Variants in GRM5 observed in about 807,000 individuals in gnomAD.
GRM5 encodes glutamate metabotropic receptor 5, also known as metabotropic glutamate receptor 5.
Under a neutral mutation model 83.1 loss-of-function variants are expected in GRM5, and 19 were observed. The observed-to-expected ratio is 0.23, with a 90% confidence interval of 0.16 to 0.34. GRM5 has a LOEUF of 0.34. GRM5 is among the 10% of genes least tolerant of loss of function. GRM5 has a pLI of 1.00. For missense variants in GRM5, 1,160 were observed against 1,588.3 expected, an observed-to-expected ratio of 0.73 and a Z score of 4.58; for synonymous variants, 675 against 633.6, an observed-to-expected ratio of 1.07 and a Z score of -0.98.
chr11:89,012,985 C>T (rs577388984), intron 2 of GRM5, among the ~76,000 whole-genome samples: 2 of 152,292 alleles, frequency 1.3e-5, no homozygotes, highest in Admixed American at 1.3e-4. Flanking sequence ...TGTTTGCAGA[C>T]GCTTACCCAA....
At chr11:88,910,986 T>C (rs1368822554) in intron 2 of GRM5, among the ~76,000 whole-genome samples, 1 of 152,082 alleles carries the variant, frequency 6.6e-6, no homozygotes, top group African/African-American at 2.4e-5. Flanking sequence ...AATTTTAAGG[T>C]TTAAATCTTT....
At position 89,029,220 on chromosome 11, in the gene GRM5, A is replaced by G. The variant is rs1941202992; in HGVS notation, c.661+17992T>C. 2.0e-5 allele frequency among the ~76,000 whole-genome samples: 3 copies of G among 152,352 alleles called. No individual in the cohort carries two copies. In the South Asian group the frequency reaches 6.2e-4, roughly 32 times the overall value. ...CTAACCAAAACATTACAGAATTTGT[A>G]ACACAAATAAGCTTAACATGTTAAT... On this transcript the variant is annotated intron_variant, in intron 2 of 9. Transcript: ENST00000305447.
At chr11:88,524,214 C>CTTTCTTTTTTTTTTTTT (rs1555060035) in intron 9 of GRM5, among the ~76,000 whole-genome samples, 1 of 101,408 alleles carries the variant, frequency 9.9e-6, no homozygotes, top group African/African-American at 4.5e-5. Flanking sequence ...TTCTTTCTTT[C>CTTTCTTTTTTTTTTTTT]TTTTTTTTTT....
chr11:88,955,461 G>C (rs520985), intron 2 of GRM5, among the ~76,000 whole-genome samples: 129,483 of 152,210 alleles, frequency 0.85, 57,768 homozygotes, highest in Non-Finnish European at 0.98. Context: ...TGAAGGCACA[G>C]ATAATAAAAC....
chr11:88,988,381 T>G (rs953735520), intron 2 of GRM5, among the ~76,000 whole-genome samples: 1 of 151,382 alleles, frequency 6.6e-6, no homozygotes, highest in East Asian at 1.9e-4. Context: ...AATCTACGTC[T>G]GATTGGTGTA....
chr11:88,578,946 C>T (rs1262936417), intron 7 of GRM5, among the ~76,000 whole-genome samples: 1 of 151,948 alleles, frequency 6.6e-6, no homozygotes, highest in Non-Finnish European at 1.5e-5. Flanking sequence ...TCCATATTTC[C>T]TGCAGCATCA....
intron 2 of GRM5, among the ~76,000 whole-genome samples, chr11:88,866,978 CTTGT>C (rs1355913422): frequency 1.3e-5 from 2 of 152,042 alleles, no homozygotes; most frequent in African/African-American, 4.8e-5. Flanking sequence ...CTCCCCATTG[CTTGT>C]TTTTGTCAGG....
At chr11:88,982,327 A>C (rs2135025592) in intron 2 of GRM5, among the ~76,000 whole-genome samples, 1 of 152,296 alleles carries the variant, frequency 6.6e-6, no homozygotes, top group Admixed American at 6.5e-5. Flanking sequence ...ACAATCTAAA[A>C]AATACAAATA....
At chr11:88,718,881 G>A (rs552381171) in intron 3 of GRM5, among the ~76,000 whole-genome samples, 1 of 151,884 alleles carries the variant, frequency 6.6e-6, no homozygotes, top group African/African-American at 2.4e-5. Context: ...CACAGATTCT[G>A]TAAAAGACTT....
chr11:88,739,675 A>T (rs1709312576), intron 3 of GRM5, among the ~76,000 whole-genome samples: 1 of 151,982 alleles, frequency 6.6e-6, no homozygotes, highest in Non-Finnish European at 1.5e-5. Flanking sequence ...AGTGTTTGGC[A>T]AGTTCCTCCT....
intron 7 of GRM5, among the ~76,000 whole-genome samples, chr11:88,576,410 T>G (rs1330863992): frequency 6.6e-6 from 1 of 152,196 alleles, no homozygotes; most frequent in East Asian, 1.9e-4. Context: ...GTTTCTTTGC[T>G]TGTTGTATTT....
chr11:88,952,269 T>G (rs1258522223), intron 2 of GRM5, among the ~76,000 whole-genome samples: 2 of 152,214 alleles, frequency 1.3e-5, no homozygotes, highest in African/African-American at 4.8e-5. Context: ...TCAGGTTTCC[T>G]CACTGAAACG....
chr11:88,757,060 T>G (rs1223108049), intron 3 of GRM5, among the ~76,000 whole-genome samples: 2 of 152,094 alleles, frequency 1.3e-5, no homozygotes, highest in Admixed American at 1.3e-4. Context: ...GCTCATCACA[T>G]GCAAGGGGTC....
chr11:88,711,127 G>A (rs1941270440), intron 3 of GRM5, among the ~76,000 whole-genome samples: 1 of 152,078 alleles, frequency 6.6e-6, no homozygotes, highest in Admixed American at 6.6e-5. Context: ...AGGGATAATG[G>A]GAGGGAGCAA....
At chr11:89,010,032 T>C (rs557962848) in intron 2 of GRM5, among the ~76,000 whole-genome samples, 3 of 146,876 alleles carry the variant, frequency 2.0e-5, no homozygotes, top group South Asian at 2.1e-4. Flanking sequence ...ATATTATATA[T>C]AATATAGTTA....
chr11:88,886,522 TC>T (rs1478537406), intron 2 of GRM5, among the ~76,000 whole-genome samples: 1 of 152,060 alleles, frequency 6.6e-6, no homozygotes, highest in East Asian at 1.9e-4. Context: ...ACATGGAGCA[TC>T]CCCCAGTACC....
At chr11:88,842,393 A>C (rs1020303954) in intron 3 of GRM5, among the ~76,000 whole-genome samples, 12 of 152,152 alleles carry the variant, frequency 7.9e-5, no homozygotes, top group Admixed American at 7.9e-4. Context: ...CAACTTCCCA[A>C]AATACTGGCT....
chr11:88,836,878 T>G (rs1261483782), intron 3 of GRM5, among the ~76,000 whole-genome samples: 2 of 152,060 alleles, frequency 1.3e-5, no homozygotes, highest in Admixed American at 6.5e-5. Flanking sequence ...AGAGCAAATG[T>G]TTTTGACTGG....
Position 88,994,622 on chromosome 11 carries a change from A to C in GRM5, c.661+52590T>G, listed in dbSNP as rs1335193877. On this transcript the variant is annotated intron_variant, in intron 2 of 9. Coordinates refer to ENST00000305447, the MANE Select transcript of GRM5 (RefSeq NM_001143831.3). ...TTAAAGCATTACAGAAAAAAAAAAA[A>C]AAAAACAGTAAAACACTTTGTTGGT... is the stretch of plus-strand genomic sequence containing the variant. 7.4e-5 allele frequency among the ~76,000 whole-genome samples: 11 copies of C among 149,424 alleles called. No individual in the cohort carries two copies. The East Asian group carries it at 9.7e-4, about 13-fold the overall frequency.
Sources: gnomAD v4.1 joint callset for allele counts (sites outside exome capture counted in the v4.1 genomes callset) on GRCh38, gnomAD v4.1.1 for gene constraint, MANE v1.5 for transcripts, NCBI Gene and HGNC (gene_info 2026-07-23, HGNC 2026-07-21) for gene names.